Variants in KCTD1 observed in about 807,000 individuals in gnomAD.
KCTD1 encodes potassium channel tetramerization domain containing 1.
A neutral mutation model predicts 66.0 loss-of-function variants in KCTD1; 24 were observed. The ratio of observed to expected loss-of-function variants is 0.36; its 90% CI spans 0.26 to 0.51. The LOEUF (loss-of-function observed/expected upper bound fraction) is 0.51, where lower values mean the gene tolerates loss of function less well. KCTD1 is among the 20% of genes least tolerant of loss of function. The probability of loss-of-function intolerance (pLI) is 0.95; values close to 1 mark genes in which losing one functional copy is unlikely to be tolerated. For synonymous variants in KCTD1, 511 were observed against 517.2 expected, an observed-to-expected ratio of 0.99 and a Z score of 0.16; for missense variants, 943 against 1,205.2, an observed-to-expected ratio of 0.78 and a Z score of 3.22.
intron 1 of KCTD1, among the ~76,000 whole-genome samples, chr18:26,556,668 T>G (rs763240070): frequency 1.3e-5 from 2 of 152,204 alleles, no homozygotes; most frequent in Non-Finnish European, 1.5e-5. Flanking sequence ...GGTTTTTACA[T>G]TAACACTCTC....
At chr18:26,537,211 T>C (rs978447045) in intron 1 of KCTD1, among the ~76,000 whole-genome samples, 7 of 152,236 alleles carry the variant, frequency 4.6e-5, no homozygotes, top group African/African-American at 1.4e-4. Flanking sequence ...AGTCTCTTTT[T>C]TTTCTGGAGT....
At chr18:26,652,342 A>G (rs992044204) in intron 1 of KCTD1, among the ~76,000 whole-genome samples, 2 of 152,244 alleles carry the variant, frequency 1.3e-5, no homozygotes, top group African/African-American at 4.8e-5. Context: ...AGAACCACCA[A>G]GAAAAGTAGC....
chr18:26,514,422 T>C (rs1983528217), intron 1 of KCTD1, among the ~76,000 whole-genome samples: 1 of 151,870 alleles, frequency 6.6e-6, no homozygotes, highest in Admixed American at 6.6e-5. Flanking sequence ...CGTAGTGGTC[T>C]CAGCCTACAG....
At chr18:26,643,735 G>T (rs927539279), upstream of KCTD1, among the ~76,000 whole-genome samples, 3 of 152,134 alleles carry the variant, frequency 2.0e-5, no homozygotes, top group Non-Finnish European at 4.4e-5. Context: ...GGCCAAGGCG[G>T]GCATATCACG....
At chr18:26,657,024 G>GAACCCGGCCCAGAGATCCGGA (rs908364942) in intron 1 of KCTD1, among the ~76,000 whole-genome samples, 2 of 150,464 alleles carry the variant, frequency 1.3e-5, no homozygotes, top group Non-Finnish European at 3.0e-5. Context: ...CCGAGATCCG[G>GAACCCGGCCCAGAGATCCGGA]AACCCGGCCC....
intron 1 of KCTD1, among the ~76,000 whole-genome samples, chr18:26,571,319 TAACA>T (rs931896113): frequency 1.3e-5 from 2 of 152,140 alleles, no homozygotes; most frequent in Non-Finnish European, 2.9e-5. Flanking sequence ...GCCATAGCCT[TAACA>T]AACAGAGAAT....
chr18:26,469,871 C>A (rs1463935459), intron 3 of KCTD1, among the ~76,000 whole-genome samples: 1 of 152,128 alleles, frequency 6.6e-6, no homozygotes, highest in Admixed American at 6.6e-5. Flanking sequence ...ATCGCTTGAA[C>A]CTGTGAGGCA....
chr18:26,554,323 A>G (rs2144863076), intron 1 of KCTD1, among the ~76,000 whole-genome samples: 1 of 149,292 alleles, frequency 6.7e-6, no homozygotes. Context: ...ACCCCTGTGT[A>G]TAATAGGATT....
chr18:26,641,721 C>T (rs1406297425), upstream of KCTD1, among the ~76,000 whole-genome samples: 2 of 152,110 alleles, frequency 1.3e-5, no homozygotes, highest in Non-Finnish European at 2.9e-5. Flanking sequence ...CTGTTCCATG[C>T]CCCTTCTTTA....
At chr18:26,523,340 T>A (rs752263057) in intron 1 of KCTD1, among the ~76,000 whole-genome samples, 10 of 152,254 alleles carry the variant, frequency 6.6e-5, no homozygotes, top group Non-Finnish European at 1.3e-4. Context: ...CTGTTGCAGA[T>A]AGTGACTTAC....
Position 26,456,090 on chromosome 18 carries a change from C to T in KCTD1, c.2440-189G>A, listed in dbSNP as rs1183544772. The T allele has an allele frequency of 1.1e-5, 6 of 566,432 alleles. No homozygotes were observed. The East Asian group carries it at 1.7e-4, about 16-fold the overall frequency. 35.1% of individuals were successfully genotyped at this position (566,432 alleles called of 1,614,324 possible). On this transcript the variant is annotated intron_variant, in intron 4 of 4. Transcript: ENST00000580059. ...AGAGAGGAAGCAAGCATTTCTAATG[C>T]CTAAAATGTGCCTTTCATGCTTGCT...
intron 1 of KCTD1, among the ~76,000 whole-genome samples, chr18:26,597,939 C>G (rs1414394427): frequency 6.6e-6 from 1 of 152,200 alleles, no homozygotes; most frequent in Non-Finnish European, 1.5e-5. Context: ...CAGGCGTGAG[C>G]CACCGCACCT....
intron 1 of KCTD1, among the ~76,000 whole-genome samples, chr18:26,584,928 G>A (rs1319575616): frequency 1.3e-5 from 2 of 152,186 alleles, no homozygotes; most frequent in Non-Finnish European, 2.9e-5. Flanking sequence ...CTCCCTGTAG[G>A]AGGAGCACGT....
chr18:26,498,540 A>C (rs988109731), intron 2 of KCTD1, among the ~76,000 whole-genome samples: 1 of 151,512 alleles, frequency 6.6e-6, no homozygotes, highest in Admixed American at 6.6e-5. Context: ...TTAACTCAAC[A>C]TATTATCATT....
chr18:26,582,798 C>G (rs1986385031), intron 1 of KCTD1, among the ~76,000 whole-genome samples: 1 of 145,724 alleles, frequency 6.9e-6, no homozygotes. Context: ...TAGAATAACA[C>G]CATTTGGTTT....
chr18:26,503,037 G>A (rs183666583), intron 1 of KCTD1, among the ~76,000 whole-genome samples: 96 of 152,340 alleles, frequency 6.3e-4, no homozygotes, highest in African/African-American at 2.2e-3. Flanking sequence ...AACATCTACT[G>A]TGAATGGGGT....
intron 1 of KCTD1, among the ~76,000 whole-genome samples, chr18:26,618,900 C>G (rs8094475): frequency 0.015 from 2,274 of 152,274 alleles, 60 homozygotes; most frequent in African/African-American, 0.05. Flanking sequence ...AATCATCTGT[C>G]CCAGTGTTTC....
intron 1 of KCTD1, among the ~76,000 whole-genome samples, chr18:26,563,562 C>T (rs1041625717): frequency 1.3e-5 from 2 of 152,210 alleles, no homozygotes; most frequent in Non-Finnish European, 2.9e-5. Context: ...CTCTTGGAAA[C>T]ATTCCCTGAC....
upstream of KCTD1, chr18:26,549,676 C>G (rs1448662242): frequency 5.1e-6 from 5 of 975,850 alleles, no homozygotes; most frequent in African/African-American, 8.8e-5. Context: ...TGTGTCTCGG[C>G]CGACCCTGCC....
Sources: allele counts gnomAD v4.1 joint callset (sites outside exome capture counted in the v4.1 genomes callset), GRCh38; gene constraint gnomAD v4.1.1; transcripts MANE v1.5; gene names NCBI Gene and HGNC (gene_info 2026-07-23, HGNC 2026-07-21).